The following AQP7 variants were observed in gnomAD, a reference collection of about 807,000 sequenced individuals.
The protein encoded by AQP7 is aquaporin-7.
In AQP7, 22 loss-of-function variants were observed where a neutral mutation model predicts 26.1. That is an observed-to-expected ratio of 0.84 (90% CI 0.60 to 1.20). The LOEUF (loss-of-function observed/expected upper bound fraction) is 1.20, where lower values mean the gene tolerates loss of function less well. Ranked by LOEUF, AQP7 falls within the 50% of genes most tolerant of loss-of-function variation. AQP7 has a pLI of 0.00. For missense variants in AQP7, 412 were observed against 457.5 expected, an observed-to-expected ratio of 0.90 and a Z score of 0.91; for synonymous variants, 167 against 181.7, an observed-to-expected ratio of 0.92 and a Z score of 0.65.
chr9:33,387,737 G>A (rs1325112255), intron 3 of AQP7, among the ~76,000 whole-genome samples: 1 of 151,990 alleles, frequency 6.6e-6, no homozygotes, highest in Non-Finnish European at 1.5e-5. Context: ...TCAGTCCAGA[G>A]CCACTGTTCC....
chr9:33,401,699 GC>G (rs1826299115), intron 1 of AQP7: 1 of 220,160 alleles, frequency 4.5e-6, no homozygotes, highest in Admixed American at 4.9e-5. Flanking sequence ...ATGCACGCAT[GC>G]ACACACACAC....
At chr9:33,386,622 A>G in intron 4 of AQP7, 81 bp from the exon 5 acceptor site, 2 of 1,503,360 alleles carry the variant, frequency 1.3e-6, no homozygotes, top group Admixed American at 3.9e-5. Context: ...AACGATGGCT[A>G]GTGTGTATGA....
At chr9:33,400,885 G>A in intron 2 of AQP7, 1 of 298,406 alleles carries the variant, frequency 3.4e-6, no homozygotes, top group Non-Finnish European at 6.3e-6. Flanking sequence ...AGGCCAGAAA[G>A]CTAACAAGGC....
At position 33,387,064 on chromosome 9, in the gene AQP7, A is replaced by G. The variant is rs764813738; in HGVS notation, c.173T>C (p.Met58Thr). 2 of 1,611,884 alleles carry G rather than the reference A, an allele frequency of 1.2e-6. No individual in the cohort carries two copies. ...GCTCCCATATTTTTTATTTAGAACCATATGGGCCACGGAACCAAGGCCGAA... is the reference window on the plus strand; with the variant it reads ...GCTCCCATATTTTTTATTTAGAACCGTATGGGCCACGGAACCAAGGCCGAA... ...MVFGLGSVAH[M>T]VLNKKYGSYL... The change falls in exon 4 of 8, where the codon ATG becomes ACG. Residue 58 changes from methionine (M) to threonine (T), a missense_variant. Transcript: ENST00000297988.
At chr9:33,390,845 C>T (rs1825324093) in intron 3 of AQP7, among the ~76,000 whole-genome samples, 1 of 152,218 alleles carries the variant, frequency 6.6e-6, no homozygotes, top group Non-Finnish European at 1.5e-5. Context: ...GGCGCGGTGG[C>T]TCACGCCTGT....
intron 3 of AQP7, among the ~76,000 whole-genome samples, chr9:33,389,654 G>C (rs1825194832): frequency 6.6e-6 from 1 of 152,180 alleles, no homozygotes; most frequent in Admixed American, 6.5e-5. Flanking sequence ...TTCTAGAGTT[G>C]ATAAAAGAGA....
intron 2 of AQP7, among the ~76,000 whole-genome samples, chr9:33,395,710 C>T (rs116566324): frequency 1.3e-5 from 2 of 152,154 alleles, no homozygotes; most frequent in Non-Finnish European, 2.9e-5. Context: ...CAGCACTGAG[C>T]GCTGAAACAA....
intron 2 of AQP7, among the ~76,000 whole-genome samples, chr9:33,397,263 G>T (rs1018187134): frequency 1.7e-4 from 26 of 152,082 alleles, no homozygotes; most frequent in African/African-American, 6.3e-4. Context: ...GCCGTGTGCT[G>T]ATGAGAAAGG....
intron 2 of AQP7, 37 bp downstream of exon 2, chr9:33,401,200 A>G (rs1182730360): frequency 1.3e-6 from 2 of 1,547,404 alleles, no homozygotes; most frequent in East Asian, 2.4e-5. Context: ...GGTGAAGGAC[A>G]GGGGGCTGGA....
chr9:33,392,299 C>CAA (rs36017412), intron 3 of AQP7, among the ~76,000 whole-genome samples: 52 of 118,792 alleles, frequency 4.4e-4, no homozygotes, highest in South Asian at 8.9e-4. Context: ...GACTGTATCT[C>CAA]AAAAAAAAAA....
intron 3 of AQP7, among the ~76,000 whole-genome samples, chr9:33,387,835 A>C (rs1564174699): frequency 6.6e-6 from 1 of 151,872 alleles, no homozygotes; most frequent in Non-Finnish European, 1.5e-5. Flanking sequence ...ATCGGCTCCC[A>C]CACACTGGAG....
In AQP7 at chr9:33,383,380, T is replaced by A. The variant is rs1234680477; in HGVS notation, c.*1625A>T. ...AGACTCAGCATGTCCATGATGTAAC[T>A]TATCTTCCTCTCCAAACCATTTCCT... On this transcript the variant is annotated 3_prime_UTR_variant, in exon 8 of 8. Coordinates refer to ENST00000297988, the MANE Select transcript of AQP7 (RefSeq NM_001170.3). 1 of 152,124 alleles carries A rather than the reference T, an allele frequency of 6.6e-6. No individual in the cohort carries two copies. Among genetic ancestry groups the A allele is most frequent in the Non-Finnish European group, 1.5e-5 (1 of 68,032 alleles). 9.4% of individuals were successfully genotyped at this position (152,124 alleles called of 1,614,324 possible). A position where few individuals can be genotyped will look rare whatever the true frequency, so the allele number is the denominator to read the frequency against.
intron 3 of AQP7, among the ~76,000 whole-genome samples, chr9:33,389,653 TG>T (rs1279565053): frequency 1.3e-5 from 2 of 152,124 alleles, no homozygotes; most frequent in Non-Finnish European, 2.9e-5. Flanking sequence ...GTTCTAGAGT[TG>T]ATAAAAGAGA....
At chr9:33,399,686 G>A (rs1826107306) in intron 2 of AQP7, among the ~76,000 whole-genome samples, 1 of 152,088 alleles carries the variant, frequency 6.6e-6, no homozygotes, top group African/African-American at 2.4e-5. Context: ...TCCACCCTTG[G>A]GTCACTCTGT....
intron 3 of AQP7, among the ~76,000 whole-genome samples, chr9:33,390,441 G>A (rs7045054): frequency 6.6e-6 from 1 of 151,534 alleles, no homozygotes; most frequent in Non-Finnish European, 1.5e-5. Flanking sequence ...TATTTTACCT[G>A]TCAAGCAGCA....
At position 33,385,755 on chromosome 9, in the gene AQP7, T is replaced by G. The variant is rs1297620069; in HGVS notation, c.637A>C (p.Ile213Leu). ...GTGTTCATGCCAAGGGACACCCCGA[T>G]GATGACCACGAGGATGCCTATCACC... ...ALVIGILVVI[I>L]GVSLGMNTGY... The change falls in exon 7 of 8, where the codon ATC becomes CTC. Residue 213 changes from isoleucine to leucine, a missense_variant. Coordinates refer to ENST00000297988, the MANE Select transcript of AQP7 (RefSeq NM_001170.3). 5 of 1,613,834 alleles carry G rather than the reference T, an allele frequency of 3.1e-6. No individual in the cohort carries two copies. The highest frequency in any genetic ancestry group is 4.2e-6 in the Non-Finnish European group (5 of 1,180,016).
intron 1 of AQP7, chr9:33,401,747 A>T (rs557804107): frequency 0.06 from 10,226 of 170,514 alleles, 1,116 homozygotes; most frequent in African/African-American, 0.23. Flanking sequence ...GGCCCTGAAA[A>T]CTCATTTCAC....
At chr9:33,385,584 C>A (rs779614450) in intron 7 of AQP7, 65 bp downstream of exon 7, 13 of 1,572,722 alleles carry the variant, frequency 8.3e-6, no homozygotes, top group African/African-American at 2.7e-5. Flanking sequence ...CATCACCCCC[C>A]ACCCCTCAAC....
intron 3 of AQP7, among the ~76,000 whole-genome samples, chr9:33,392,220 G>A (rs62544571): frequency 0.078 from 11,883 of 151,556 alleles, 609 homozygotes; most frequent in Admixed American, 0.11. Context: ...AGGCTGAGGC[G>A]CAAGAATCGC....
Sources: gnomAD v4.1 joint callset for allele counts (sites outside exome capture counted in the v4.1 genomes callset) on GRCh38, gnomAD v4.1.1 for gene constraint, MANE v1.5 for transcripts, NCBI Gene and HGNC (gene_info 2026-07-23, HGNC 2026-07-21) for gene names.